Variants in CMSS1 observed in about 807,000 individuals in gnomAD.
The protein encoded by CMSS1 is protein CMSS1.
Under a neutral mutation model 43.5 loss-of-function variants are expected in CMSS1, and 33 were observed. The observed-to-expected ratio is 0.76, with a 90% CI of 0.57 to 1.01. The LOEUF is 1.01. Among genes scored for constraint, CMSS1 ranks in the 50% least tolerant of loss-of-function variants. The pLI, the probability that CMSS1 is intolerant of heterozygous loss-of-function variation, is 0.00. For synonymous variants in CMSS1, 115 were observed against 117.2 expected, an observed-to-expected ratio of 0.98 and a Z score of 0.12; for missense variants, 313 against 326.4, an observed-to-expected ratio of 0.96 and a Z score of 0.32.
intron 1 of CMSS1, among the ~76,000 whole-genome samples, chr3:99,869,572 A>G (rs1944686683): frequency 6.6e-6 from 1 of 152,130 alleles, no homozygotes; most frequent in South Asian, 2.1e-4. Context: ...GGACTTCCAC[A>G]ATATCTCACT....
intron 1 of CMSS1, among the ~76,000 whole-genome samples, chr3:100,118,593 A>G (rs550308334): frequency 6.6e-6 from 1 of 152,270 alleles, no homozygotes; most frequent in Admixed American, 6.5e-5. Flanking sequence ...CACTAACATA[A>G]TTGTCTCAGC....
intron 1 of CMSS1, among the ~76,000 whole-genome samples, chr3:100,062,087 C>A: frequency 1.3e-5 from 1 of 79,592 alleles, no homozygotes; most frequent in Non-Finnish European, 2.3e-5. Context: ...GTTATCCTGT[C>A]TTCTTCTTTT....
chr3:100,021,012 G>T (rs548398944), intron 1 of CMSS1, among the ~76,000 whole-genome samples: 1 of 152,078 alleles, frequency 6.6e-6, no homozygotes, highest in Non-Finnish European at 1.5e-5. Flanking sequence ...TGATCTGCCC[G>T]CCTTGGCCTC....
rs1467727056 is a variant in CMSS1 at position 100,103,007 on chromosome 3, G to A, written c.65-43966G>A. 5.9e-5 allele frequency among the ~76,000 whole-genome samples: 9 copies of A among 152,312 alleles called. No homozygotes were observed. In the South Asian group the frequency reaches 1.9e-3, roughly 32 times the overall value. On this transcript the variant is annotated intron_variant, in intron 1 of 9. Coordinates refer to ENST00000421999, the MANE Select transcript of CMSS1 (RefSeq NM_032359.4). ...GCTTATGGCACTACAGGTGCCAGTG[G>A]AGGAAAAAAGTGTGAGGTTGAGGCT...
intron 1 of CMSS1, among the ~76,000 whole-genome samples, chr3:100,062,099 T>C (rs1213550695): frequency 1.7e-4 from 10 of 57,410 alleles, no homozygotes; most frequent in Admixed American, 7.3e-4. Flanking sequence ...TCTTCTTTTT[T>C]TTTTTTTTTT....
intron 1 of CMSS1, among the ~76,000 whole-genome samples, chr3:99,980,497 A>G (rs922965272): frequency 6.6e-6 from 1 of 152,184 alleles, no homozygotes; most frequent in African/African-American, 2.4e-5. Flanking sequence ...GTAGTTTACA[A>G]TAAGTGGAAT....
At chr3:100,020,663 T>C (rs1576646505) in intron 1 of CMSS1, among the ~76,000 whole-genome samples, 1 of 152,272 alleles carries the variant, frequency 6.6e-6, no homozygotes. Context: ...TTAAAAAGTG[T>C]TTATTTTTAG....
chr3:99,841,417 C>G (rs958212798), intron 1 of CMSS1, among the ~76,000 whole-genome samples: 68 of 152,204 alleles, frequency 4.5e-4, no homozygotes, highest in African/African-American at 1.5e-3. Context: ...ATAACTCCCT[C>G]TATTGTTTAG....
chr3:99,852,676 C>T (rs1381990751), intron 1 of CMSS1, among the ~76,000 whole-genome samples: 6 of 152,030 alleles, frequency 3.9e-5, no homozygotes, highest in Non-Finnish European at 8.8e-5. Context: ...GATCTCCTGA[C>T]CTTGTGATCC....
intron 1 of CMSS1, among the ~76,000 whole-genome samples, chr3:99,820,673 C>T (rs1040315958): frequency 2.6e-5 from 4 of 152,180 alleles, no homozygotes; most frequent in African/African-American, 4.8e-5. Flanking sequence ...ACAGCTGAAC[C>T]ACAGATTTCC....
chr3:99,911,564 C>A (rs1339420127), intron 1 of CMSS1, among the ~76,000 whole-genome samples: 2 of 152,012 alleles, frequency 1.3e-5, no homozygotes, highest in Non-Finnish European at 2.9e-5. Flanking sequence ...TACTCATCCT[C>A]ACCCGAGGCT....
chr3:99,953,426 A>C (rs1347576347), intron 1 of CMSS1, among the ~76,000 whole-genome samples: 1 of 152,170 alleles, frequency 6.6e-6, no homozygotes, highest in East Asian at 1.9e-4. Flanking sequence ...CTGAGGGTGC[A>C]GTTTGAGGTA....
intron 1 of CMSS1, among the ~76,000 whole-genome samples, chr3:100,123,720 C>T (rs568665680): frequency 2.6e-5 from 4 of 152,294 alleles, no homozygotes; most frequent in South Asian, 4.1e-4. Context: ...GCATTTCTCT[C>T]TGCCTGATGA....
chr3:100,077,386 G>A (rs557220509), intron 1 of CMSS1, among the ~76,000 whole-genome samples: 2 of 152,184 alleles, frequency 1.3e-5, no homozygotes, highest in Non-Finnish European at 2.9e-5. Flanking sequence ...GAGTGTTTCA[G>A]GACAGCAACC....
At chr3:99,972,555 A>G (rs1007845832) in intron 1 of CMSS1, among the ~76,000 whole-genome samples, 3 of 152,148 alleles carry the variant, frequency 2.0e-5, no homozygotes, top group African/African-American at 7.2e-5. Flanking sequence ...GCTGCTGGGC[A>G]CAGCTGCTCC....
At chr3:99,933,459 A>G (rs970408384) in intron 1 of CMSS1, among the ~76,000 whole-genome samples, 2 of 152,164 alleles carry the variant, frequency 1.3e-5, no homozygotes, top group African/African-American at 4.8e-5. Context: ...GTGTATATCT[A>G]TTTATTTATA....
intron 1 of CMSS1, chr3:99,930,896 C>T (rs1307775036): frequency 6.2e-7 from 1 of 1,613,556 alleles, no homozygotes; most frequent in African/African-American, 1.3e-5. Context: ...ATCCGACTCA[C>T]TGGGGGAGTC....
At chr3:99,862,929 T>C (rs1944332010) in intron 1 of CMSS1, among the ~76,000 whole-genome samples, 1 of 152,218 alleles carries the variant, frequency 6.6e-6, no homozygotes. Context: ...TGGATGCTAA[T>C]AGTTGACCTT....
At chr3:100,111,300 A>G (rs974917670) in intron 1 of CMSS1, among the ~76,000 whole-genome samples, 1 of 152,160 alleles carries the variant, frequency 6.6e-6, no homozygotes, top group Admixed American at 6.5e-5. Context: ...CAGGGCTATG[A>G]GTACTCATGT....
Sources: allele counts gnomAD v4.1 joint callset (sites outside exome capture counted in the v4.1 genomes callset), GRCh38; gene constraint gnomAD v4.1.1; transcripts MANE v1.5; gene names NCBI Gene and HGNC (gene_info 2026-07-23, HGNC 2026-07-21).